UBE2G1: variants seen among roughly 807,000 people sequenced by gnomAD.
The protein encoded by UBE2G1 is ubiquitin conjugating enzyme E2 G1.
In UBE2G1, 5 loss-of-function variants were observed where a neutral mutation model predicts 22.7. That is an observed-to-expected ratio of 0.22 (90% CI 0.12 to 0.46). UBE2G1 has a LOEUF of 0.46. Ranked by LOEUF, UBE2G1 falls within the 20% of genes least tolerant of loss-of-function variation. The pLI is 0.99. For missense variants in UBE2G1, 88 were observed against 203.9 expected (o/e 0.43, Z 3.46); for synonymous variants, 74 against 67.5 (o/e 1.10, Z -0.47).
At chr17:4,325,168 G>A (rs1969490821) in intron 1 of UBE2G1, among the ~76,000 whole-genome samples, 2 of 151,984 alleles carry the variant, frequency 1.3e-5, no homozygotes, top group Non-Finnish European at 2.9e-5. Context: ...AGGATTCTTA[G>A]GGCCATCAAA....
intron 1 of UBE2G1, among the ~76,000 whole-genome samples, chr17:4,332,736 T>A (rs1183175922): frequency 6.6e-6 from 1 of 152,150 alleles, no homozygotes; most frequent in Non-Finnish European, 1.5e-5. Flanking sequence ...CTCTGCCACC[T>A]CCCTCCAGCG....
At chr17:4,366,212 T>G in intron 1 of UBE2G1, 59 bp downstream of exon 1, 1 of 1,481,664 alleles carries the variant, frequency 6.7e-7, no homozygotes. Flanking sequence ...GAAGAGGGAC[T>G]GGGCTGCGGC....
chr17:4,303,938 GA>G (rs1431736210), intron 2 of UBE2G1, among the ~76,000 whole-genome samples: 1 of 152,146 alleles, frequency 6.6e-6, no homozygotes, highest in East Asian at 1.9e-4. Flanking sequence ...AAGGAAAAGA[GA>G]GATAAAAGTT....
chr17:4,306,480 C>T (rs747212635), intron 2 of UBE2G1, among the ~76,000 whole-genome samples: 9 of 151,980 alleles, frequency 5.9e-5, no homozygotes, highest in African/African-American at 1.9e-4. Flanking sequence ...TGAGCCACCG[C>T]GCCCGGCCTG....
In UBE2G1 at chr17:4,343,657, C is replaced by T. The variant is rs536945765; in HGVS notation, c.46+22614G>A. On this transcript the variant is annotated intron_variant, in intron 1 of 5. Transcript: ENST00000396981. Reference sequence around the variant, plus strand: ...AGGCTGGAGTGTGGTGGCGCAATCTCGGCTCACTGCAAGCTCCGCCTCCTG... The same window carrying T: ...AGGCTGGAGTGTGGTGGCGCAATCTTGGCTCACTGCAAGCTCCGCCTCCTG... Among the ~76,000 whole-genome samples, 448 of 151,788 alleles carry T rather than the reference C, an allele frequency of 3.0e-3. 2 individuals carry two copies. The highest frequency in any genetic ancestry group is 0.01 in the African/African-American group (430 of 41,412).
chr17:4,348,680 G>T (rs565915526), intron 1 of UBE2G1, among the ~76,000 whole-genome samples: 2 of 151,808 alleles, frequency 1.3e-5, no homozygotes, highest in African/African-American at 4.8e-5. Context: ...TGGCCAACAT[G>T]GTGACACCCC....
intron 5 of UBE2G1, among the ~76,000 whole-genome samples, chr17:4,279,385 C>G (rs1199225475): frequency 6.6e-6 from 1 of 151,814 alleles, no homozygotes; most frequent in African/African-American, 2.4e-5. Flanking sequence ...AAAGCAAGGA[C>G]TTGTCAATAA....
chr17:4,310,879 T>C (rs1051177306), intron 1 of UBE2G1, among the ~76,000 whole-genome samples: 1 of 152,036 alleles, frequency 6.6e-6, no homozygotes, highest in South Asian at 2.1e-4. Flanking sequence ...CAACCTAACC[T>C]GGTGATGTTA....
intron 2 of UBE2G1, 50 bp from the exon 3 acceptor site, chr17:4,296,864 A>G (rs1257903115): frequency 6.7e-7 from 1 of 1,499,100 alleles, no homozygotes; most frequent in Non-Finnish European, 9.2e-7. Flanking sequence ...CCTGCTTTTA[A>G]GTATAGAAGT....
chr17:4,355,020 A>G (rs1969890038), intron 1 of UBE2G1, among the ~76,000 whole-genome samples: 2 of 151,876 alleles, frequency 1.3e-5, no homozygotes, highest in African/African-American at 2.4e-5. Context: ...TGAGCCGAGG[A>G]AGTGGAGGGT....
At chr17:4,365,584 G>A (rs1481056876) in intron 1 of UBE2G1, among the ~76,000 whole-genome samples, 1 of 152,058 alleles carries the variant, frequency 6.6e-6, no homozygotes, top group Non-Finnish European at 1.5e-5. Flanking sequence ...GCCGGCCAGC[G>A]AGCGGCTCTC....
At chr17:4,357,006 A>G (rs999325233) in intron 1 of UBE2G1, among the ~76,000 whole-genome samples, 1 of 152,186 alleles carries the variant, frequency 6.6e-6, no homozygotes, top group African/African-American at 2.4e-5. Context: ...TAACTCTAGC[A>G]CAATATCAAA....
In UBE2G1 at chr17:4,359,872, CA is replaced by C. The variant is rs538222115; in HGVS notation, c.46+6398del. Among the ~76,000 whole-genome samples the C allele has an allele frequency of 3.0e-3, 442 of 148,484 alleles. 3 individuals carry two copies. Among genetic ancestry groups the C allele is most frequent in the African/African-American group, 0.01 (415 of 40,480 alleles). On this transcript the variant is annotated intron_variant, in intron 1 of 5. Coordinates refer to ENST00000396981, the MANE Select transcript of UBE2G1 (RefSeq NM_003342.5). Reference sequence around the variant, plus strand: ...ATCTCAAAAAAAAAAAAAAAACAAACAAAAAAAAACTGCTGATTAACTCAAA... The same window carrying C: ...ATCTCAAAAAAAAAAAAAAAACAAACAAAAAAAACTGCTGATTAACTCAAA...
At chr17:4,323,703 C>G (rs951677880) in intron 1 of UBE2G1, among the ~76,000 whole-genome samples, 43 of 152,262 alleles carry the variant, frequency 2.8e-4, no homozygotes, top group African/African-American at 1.0e-3. Context: ...TACATGGCAC[C>G]ATGCCCAATT....
At chr17:4,320,822 T>C (rs1159401684) in intron 1 of UBE2G1, among the ~76,000 whole-genome samples, 1 of 152,124 alleles carries the variant, frequency 6.6e-6, no homozygotes, top group Non-Finnish European at 1.5e-5. Context: ...CCACTTAGCA[T>C]AGTCTGAACA....
intron 3 of UBE2G1, among the ~76,000 whole-genome samples, chr17:4,294,048 C>T (rs1485064637): frequency 6.6e-6 from 1 of 152,222 alleles, no homozygotes; most frequent in East Asian, 1.9e-4. Flanking sequence ...ATATGTACAG[C>T]TTTAAATGTC....
intron 1 of UBE2G1, among the ~76,000 whole-genome samples, chr17:4,356,049 T>TA (rs746982860): frequency 0.014 from 1,413 of 99,022 alleles, 11 homozygotes; most frequent in East Asian, 0.03. Context: ...TGTTTCACTT[T>TA]AAAAAAAAAA....
At chr17:4,286,972 A>G (rs2143692791) in intron 4 of UBE2G1, among the ~76,000 whole-genome samples, 1 of 152,182 alleles carries the variant, frequency 6.6e-6, no homozygotes, top group South Asian at 2.1e-4. Context: ...TTGAACACAG[A>G]GGGCAGAGGT....
At chr17:4,296,487 T>C (rs1298431665) in intron 3 of UBE2G1, among the ~76,000 whole-genome samples, 1 of 152,158 alleles carries the variant, frequency 6.6e-6, no homozygotes, top group African/African-American at 2.4e-5. Flanking sequence ...GGTCTCCAAC[T>C]CTTGACCTCA....
Sources: gnomAD v4.1 joint callset for allele counts (sites outside exome capture counted in the v4.1 genomes callset) on GRCh38, gnomAD v4.1.1 for gene constraint, MANE v1.5 for transcripts, NCBI Gene and HGNC (gene_info 2026-07-23, HGNC 2026-07-21) for gene names.